Variants in PTPRQ observed in about 807,000 individuals in gnomAD.
The protein encoded by PTPRQ is protein tyrosine phosphatase receptor type Q, also known as phosphatidylinositol phosphatase PTPRQ.
PTPRQ carries 199 observed loss-of-function variants against 246.0 expected under a neutral mutation model. The observed-to-expected ratio is 0.81, with a 90% CI of 0.72 to 0.91. The LOEUF is 0.91. Among genes scored for constraint, PTPRQ ranks in the 40% least tolerant of loss-of-function variants. PTPRQ has a pLI of 0.00. For synonymous variants in PTPRQ, 869 were observed against 853.2 expected (o/e 1.02, Z -0.32); for missense variants, 2,624 against 2,528.4 (o/e 1.04, Z -0.81).
intron 8 of PTPRQ, among the ~76,000 whole-genome samples, chr12:80,478,620 A>T (rs1219812654): frequency 6.6e-6 from 1 of 152,170 alleles, no homozygotes; most frequent in Non-Finnish European, 1.5e-5. Flanking sequence ...AGAAGTTGAA[A>T]ACTGTGAAAA....
At chr12:80,550,456 T>C (rs1327235349) in intron 25 of PTPRQ, among the ~76,000 whole-genome samples, 2 of 152,170 alleles carry the variant, frequency 1.3e-5, no homozygotes, top group Non-Finnish European at 2.9e-5. Flanking sequence ...CATCAAGACA[T>C]AGTCTGCCTT....
At chr12:80,519,853 C>G (rs996179482) in intron 17 of PTPRQ, among the ~76,000 whole-genome samples, 2 of 152,120 alleles carry the variant, frequency 1.3e-5, no homozygotes, top group African/African-American at 4.8e-5. Context: ...AAATCAGTAT[C>G]TTGTCCAATC....
chr12:80,626,573 A>G (rs1045127779), intron 33 of PTPRQ, among the ~76,000 whole-genome samples: 1 of 152,136 alleles, frequency 6.6e-6, no homozygotes, highest in Non-Finnish European at 1.5e-5. Flanking sequence ...TCTAGGTAAG[A>G]AGTTTGAAGC....
At chr12:80,481,385 A>G (rs1400135720) in intron 8 of PTPRQ, among the ~76,000 whole-genome samples, 1 of 152,168 alleles carries the variant, frequency 6.6e-6, no homozygotes, top group Non-Finnish European at 1.5e-5. Context: ...CAAAATAATA[A>G]GAGCCATCCA....
chr12:80,648,239 T>C (rs1372225976), intron 35 of PTPRQ, among the ~76,000 whole-genome samples: 1 of 152,134 alleles, frequency 6.6e-6, no homozygotes, highest in African/African-American at 2.4e-5. Flanking sequence ...TTTTGTGTTT[T>C]TTGCAGTGCT....
intron 9 of PTPRQ, 104 bp downstream of exon 9, chr12:80,484,709 T>G: frequency 7.3e-7 from 1 of 1,371,172 alleles, no homozygotes; most frequent in African/African-American, 1.5e-5. Flanking sequence ...ATTTGACCAC[T>G]TACTAGTACA....
intron 23 of PTPRQ, among the ~76,000 whole-genome samples, chr12:80,544,001 C>T (rs2120847856): frequency 6.6e-6 from 1 of 152,140 alleles, no homozygotes; most frequent in Non-Finnish European, 1.5e-5. Flanking sequence ...TAATCGCATT[C>T]CTAGGATAAT....
chr12:80,492,870 G>A (rs1290213472), intron 9 of PTPRQ, among the ~76,000 whole-genome samples: 2 of 151,936 alleles, frequency 1.3e-5, no homozygotes, highest in Non-Finnish European at 2.9e-5. Context: ...ATACAAATGA[G>A]GACAGGTAAT....
chr12:80,474,246 C>T (rs2120555771), intron 8 of PTPRQ, among the ~76,000 whole-genome samples: 1 of 152,248 alleles, frequency 6.6e-6, no homozygotes, highest in East Asian at 1.9e-4. Flanking sequence ...ATTAATACAA[C>T]AGGGTTTTTA....
intron 3 of PTPRQ, among the ~76,000 whole-genome samples, chr12:80,451,105 G>A (rs1892752176): frequency 6.6e-6 from 1 of 152,182 alleles, no homozygotes; most frequent in Non-Finnish European, 1.5e-5. Context: ...GTTTAGTCTT[G>A]GGAGGGTGTA....
intron 28 of PTPRQ, among the ~76,000 whole-genome samples, chr12:80,611,930 A>G (rs56959362): frequency 0.37 from 55,826 of 150,104 alleles, 11,504 homozygotes; most frequent in African/African-American, 0.55. Flanking sequence ...GAAATATTTG[A>G]CACAATAGTA....
chr12:80,646,620 G>C (rs1900083933), intron 35 of PTPRQ, among the ~76,000 whole-genome samples: 1 of 152,188 alleles, frequency 6.6e-6, no homozygotes, highest in African/African-American at 2.4e-5. Context: ...GGTCCTTGTA[G>C]TAGGAAACTA....
chr12:80,516,545 C>T (rs1895305450), intron 17 of PTPRQ, among the ~76,000 whole-genome samples: 1 of 152,100 alleles, frequency 6.6e-6, no homozygotes, highest in Non-Finnish European at 1.5e-5. Flanking sequence ...AAACACTTGC[C>T]AAAGAATATA....
intron 25 of PTPRQ, among the ~76,000 whole-genome samples, chr12:80,578,020 C>G (rs942419404): frequency 6.6e-6 from 1 of 151,822 alleles, no homozygotes; most frequent in African/African-American, 2.4e-5. Flanking sequence ...CACCTACGTA[C>G]TCAGAGTGAC....
intron 3 of PTPRQ, among the ~76,000 whole-genome samples, chr12:80,451,430 GTGTT>G (rs1489967531): frequency 2.0e-5 from 1 of 50,394 alleles, no homozygotes; most frequent in Non-Finnish European, 3.9e-5. Flanking sequence ...GCTTATGAAT[GTGTT>G]TGCTCTTGCT....
At chr12:80,465,544 C>T (rs1218429516) in intron 6 of PTPRQ, 2 of 152,184 alleles carry the variant, frequency 1.3e-5, no homozygotes, top group Admixed American at 6.5e-5. Context: ...CGGGTAGAGA[C>T]ACAACCAAAA....
intron 34 of PTPRQ, 92 bp from the exon 35 acceptor site, chr12:80,634,853 G>A (rs1899581136): frequency 6.7e-7 from 1 of 1,484,716 alleles, no homozygotes; most frequent in Non-Finnish European, 9.0e-7. Flanking sequence ...GAAATTATTT[G>A]ACTAAATGTC....
chr12:80,557,711 A>G (rs1896683710), intron 25 of PTPRQ, among the ~76,000 whole-genome samples: 1 of 152,210 alleles, frequency 6.6e-6, no homozygotes, highest in South Asian at 2.1e-4. Context: ...GAAATCCTTC[A>G]TATCCTTTAT....
intron 3 of PTPRQ, 72 bp downstream of exon 3, chr12:80,445,789 C>T (rs1565708106): frequency 4.7e-6 from 5 of 1,069,692 alleles, no homozygotes; most frequent in Non-Finnish European, 2.8e-6. Flanking sequence ...AGGTTTTTCT[C>T]ACCTTGTCAA....
Sources: gnomAD v4.1 joint callset for allele counts (sites outside exome capture counted in the v4.1 genomes callset) on GRCh38, gnomAD v4.1.1 for gene constraint, MANE v1.5 for transcripts, NCBI Gene and HGNC (gene_info 2026-07-23, HGNC 2026-07-21) for gene names.